C16orf46: variants seen among roughly 807,000 people sequenced by gnomAD.
C16orf46 encodes the protein uncharacterized protein C16orf46.
A neutral mutation model predicts 5.5 loss-of-function variants in C16orf46; 7 were observed. The observed-to-expected ratio is 1.28, with a 90% CI of 0.73 to 2.40. The LOEUF is 2.40. Ranked by LOEUF, C16orf46 falls within the 30% of genes most tolerant of loss-of-function variation. The pLI is 0.00. For synonymous variants in C16orf46, 200 were observed against 184.1 expected (o/e 1.09, Z -0.70); for missense variants, 614 against 476.0 (o/e 1.29, Z -2.70).
chr16:81,065,162 G>T (rs987531310), intron 2 of C16orf46, among the ~76,000 whole-genome samples: 1 of 152,144 alleles, frequency 6.6e-6, no homozygotes, highest in African/African-American at 2.4e-5. Context: ...TTCTGGGTCT[G>T]TTTGCTCATC....
At chr16:81,063,686 C>T (rs1971559475) in intron 3 of C16orf46, 60 bp downstream of exon 3, 1 of 1,431,842 alleles carries the variant, frequency 7.0e-7, no homozygotes, top group African/African-American at 1.4e-5. Context: ...GAAAAAGAGG[C>T]TTGCACCAAA....
intron 3 of C16orf46, among the ~76,000 whole-genome samples, chr16:81,062,959 C>T (rs1971537899): frequency 6.7e-6 from 1 of 149,104 alleles, no homozygotes; most frequent in African/African-American, 2.5e-5. Flanking sequence ...AAGAGTAAGC[C>T]TGCAGACCAG....
chr16:81,054,765 C>G (rs577238880), intron 3 of C16orf46, among the ~76,000 whole-genome samples: 1 of 152,186 alleles, frequency 6.6e-6, no homozygotes, highest in South Asian at 2.1e-4. Flanking sequence ...TCTTATGCCT[C>G]CGCCGCCTGA....
chr16:81,061,526 C>A lies in C16orf46; in HGVS notation c.823G>T (p.Val275Phe). Residue 275 changes from valine to phenylalanine, a missense_variant, in exon 4 of 4, where the codon GTC becomes TTC. By Grantham distance (50) the Val-to-Phe change is conservative. Transcript: ENST00000299578. ...GAAGGGGAGGATGGCGTGTCGTTGA[C>A]CATAGGGTGTTTGGCCAGCTCACTG... The part of the protein sequence containing the change: ...RASELAKHPM[V>F]NDTPSSPSPA... 1 of 1,614,160 alleles carries A rather than the reference C, an allele frequency of 6.2e-7. No individual in the cohort carries two copies. The highest frequency in any genetic ancestry group is 8.5e-7 in the Non-Finnish European group (1 of 1,180,032).
At chr16:81,067,871 A>G (rs1029602052) in intron 1 of C16orf46, among the ~76,000 whole-genome samples, 5 of 152,232 alleles carry the variant, frequency 3.3e-5, no homozygotes. Flanking sequence ...AAGTTGCAGT[A>G]AAGACCTTGA....
intron 1 of C16orf46, among the ~76,000 whole-genome samples, chr16:81,075,349 G>C (rs1029019792): frequency 1.3e-5 from 2 of 151,978 alleles, no homozygotes; most frequent in African/African-American, 4.8e-5. Flanking sequence ...CAGCACTTTG[G>C]GAGGCCGAGG....
chr16:81,062,196 C>T (rs1462359583), intron 3 of C16orf46, 58 bp from the exon 4 acceptor site: 8 of 1,433,500 alleles, frequency 5.6e-6, no homozygotes, highest in Non-Finnish European at 7.3e-6. Context: ...GTCCTTGCCC[C>T]AATTTTGGCC....
chr16:81,063,484 G>T (rs1346653470), intron 3 of C16orf46, among the ~76,000 whole-genome samples: 1 of 152,092 alleles, frequency 6.6e-6, no homozygotes, highest in African/African-American at 2.4e-5. Flanking sequence ...AAGAAAACTT[G>T]CCCCATATGG....
intron 1 of C16orf46, among the ~76,000 whole-genome samples, chr16:81,074,700 T>C (rs1029636299): frequency 2.2e-4 from 33 of 152,140 alleles, no homozygotes; most frequent in African/African-American, 8.0e-4. Context: ...TCAATCTTGA[T>C]TAACACTGAG....
intron 1 of C16orf46, chr16:81,072,009 A>G (rs1971872378): frequency 6.6e-6 from 1 of 152,238 alleles, no homozygotes; most frequent in African/African-American, 2.4e-5. Context: ...TGAATAGGTA[A>G]CGTCCTCCTT....
chr16:81,060,937 C>T (rs576172423), downstream of C16orf46: 77 of 1,303,918 alleles, frequency 5.9e-5, 1 homozygote, highest in South Asian at 1.7e-3. Context: ...AGCACGTTAA[C>T]ACATGAATAT....
downstream of C16orf46, among the ~76,000 whole-genome samples, chr16:81,057,144 G>A (rs1971322014): frequency 6.6e-6 from 1 of 152,152 alleles, no homozygotes; most frequent in South Asian, 2.1e-4. Context: ...TGCCCAGGTT[G>A]AAAAGCCCTG....
Position 81,077,238 on chromosome 16 carries a change from C to G in C16orf46, c.-230G>C, listed in dbSNP as rs929662363. ...GATGGGCCGTTGCCTTGGGTTACGA[C>G]CACGCTGGGGGCGGGACCGCGGCGG... On this transcript the variant is annotated 5_prime_UTR_variant, in exon 1 of 4. Coordinates refer to ENST00000299578, the MANE Select transcript of C16orf46 (RefSeq NM_152337.3). 3 of 152,366 alleles carry G rather than the reference C, an allele frequency of 2.0e-5. No individual in the cohort carries two copies. Among genetic ancestry groups the G allele is most frequent in the Non-Finnish European group, 4.4e-5 (3 of 68,140 alleles). 9.4% of individuals were successfully genotyped at this position (152,366 alleles called of 1,614,324 possible). A position where few individuals can be genotyped will look rare whatever the true frequency, so the allele number is the denominator to read the frequency against.
intron 3 of C16orf46, among the ~76,000 whole-genome samples, 181 bp from the exon 4 acceptor site, chr16:81,062,319 AT>A (rs1971511744): frequency 6.6e-6 from 1 of 152,150 alleles, no homozygotes. Flanking sequence ...TAAAAAAAAA[AT>A]CCTTCAAAGT....
chr16:81,073,217 A>G (rs1198805073), intron 1 of C16orf46, among the ~76,000 whole-genome samples: 1 of 152,242 alleles, frequency 6.6e-6, no homozygotes, highest in Non-Finnish European at 1.5e-5. Flanking sequence ...GTGTAAAGCC[A>G]GATTGGTATG....
At chr16:81,054,029 C>T in exon 4 of C16orf46, 2 of 1,586,640 alleles carry the variant, frequency 1.3e-6, no homozygotes, top group East Asian at 2.2e-5. Flanking sequence ...TACATCTCAA[C>T]CGTGTTGCTG....
At chr16:81,062,633 AG>A (rs1323343481) in intron 3 of C16orf46, among the ~76,000 whole-genome samples, 3 of 152,312 alleles carry the variant, frequency 2.0e-5, no homozygotes, top group African/African-American at 7.2e-5. Context: ...GAGAGGCTGG[AG>A]GGAGACCGAG....
chr16:81,076,180 C>T (rs77330080), intron 1 of C16orf46, among the ~76,000 whole-genome samples: 87 of 152,320 alleles, frequency 5.7e-4, no homozygotes, highest in African/African-American at 2.1e-3. Context: ...CCAATCTTCA[C>T]TTACATGAAC....
chr16:81,061,400 T>C lies in C16orf46; in HGVS notation c.949A>G (p.Asn317Asp), dbSNP rs761447624. The change falls in exon 4 of 4, where the codon AAC (asparagine) becomes GAC (aspartate). Residue 317 changes from asparagine (N) to aspartate (D), a missense_variant. By Grantham distance (23) the Asn-to-Asp change is conservative. Transcript: ENST00000299578. Reference sequence around the variant, plus strand: ...TGCAAGGCAGCAAGGTAGCGAACGTTGCTGGGGTCTGGAGGGCACGCCAGG... The same window carrying C: ...TGCAAGGCAGCAAGGTAGCGAACGTCGCTGGGGTCTGGAGGGCACGCCAGG... Reference protein sequence around the residue: ...KNLACPPDPSNVRYLAALQLL... With the variant: ...KNLACPPDPSDVRYLAALQLL... The C allele has an allele frequency of 6.2e-7, 1 of 1,614,160 alleles. No individual in the cohort carries two copies. The highest frequency in any genetic ancestry group is 1.1e-5 in the South Asian group (1 of 91,080).
Sources: allele counts gnomAD v4.1 joint callset (sites outside exome capture counted in the v4.1 genomes callset), GRCh38; gene constraint gnomAD v4.1.1; transcripts MANE v1.5; gene names NCBI Gene and HGNC (gene_info 2026-07-23, HGNC 2026-07-21).